Variants in PALS2 observed in about 807,000 individuals in gnomAD.
The protein encoded by PALS2 is protein PALS2.
Under a neutral mutation model 61.6 loss-of-function variants are expected in PALS2, and 27 were observed. The observed-to-expected ratio is 0.44, with a 90% CI of 0.32 to 0.60. PALS2 has a LOEUF of 0.60. Ranked by LOEUF, PALS2 falls within the 20% of genes least tolerant of loss-of-function variation. The pLI, the probability that PALS2 is intolerant of heterozygous loss-of-function variation, is 0.05. For synonymous variants in PALS2, 236 were observed against 218.6 expected (o/e 1.08, Z -0.70); for missense variants, 554 against 639.4 (o/e 0.87, Z 1.44).
intron 5 of PALS2, chr7:24,663,335 G>T: frequency 3.6e-6 from 1 of 276,556 alleles, no homozygotes; most frequent in Non-Finnish European, 6.6e-6. Context: ...AAGAATGGTG[G>T]GATAGAATGA....
At position 24,668,494 on chromosome 7, in the gene PALS2, T is replaced by C. The variant is rs1787143485; in HGVS notation, c.953-5T>C. ...CTTTGTATTCCCATTTCCTTTTTCA[T>C]TTAGAATTTGATCGTCATGAAATCC... On this transcript the variant is annotated splice_polypyrimidine_tract_variant and splice_region_variant and intron_variant, in intron 8 of 11. Transcript: ENST00000222644. 1 of 1,608,470 alleles carries C rather than the reference T, an allele frequency of 6.2e-7. No homozygotes were observed. Among genetic ancestry groups the C allele is most frequent in the African/African-American group, 1.3e-5 (1 of 74,544 alleles).
chr7:24,628,284 G>T (rs1032017488), intron 2 of PALS2, among the ~76,000 whole-genome samples: 1 of 152,146 alleles, frequency 6.6e-6, no homozygotes, highest in Non-Finnish European at 1.5e-5. Context: ...TATCTTAATA[G>T]ATGCAGAAAA....
chr7:24,655,139 T>A (rs1483254108), intron 5 of PALS2, among the ~76,000 whole-genome samples: 1 of 152,202 alleles, frequency 6.6e-6, no homozygotes, highest in Non-Finnish European at 1.5e-5. Flanking sequence ...GGTGGCAGTG[T>A]GTATTGGTAT....
chr7:24,660,742 A>T (rs1786675035), intron 5 of PALS2, among the ~76,000 whole-genome samples: 1 of 152,220 alleles, frequency 6.6e-6, no homozygotes, highest in African/African-American at 2.4e-5. Flanking sequence ...ATTCCCAGAC[A>T]TGGATTACTA....
chr7:24,598,267 A>T (rs534360428), intron 1 of PALS2, among the ~76,000 whole-genome samples: 88 of 152,368 alleles, frequency 5.8e-4, no homozygotes, highest in Admixed American at 1.8e-3. Flanking sequence ...AGGTATTTTC[A>T]TGTAACTTAA....
At chr7:24,632,938 A>G (rs1460899523) in intron 2 of PALS2, among the ~76,000 whole-genome samples, 1 of 152,124 alleles carries the variant, frequency 6.6e-6, no homozygotes, top group Non-Finnish European at 1.5e-5. Flanking sequence ...TTGATTTTGC[A>G]GTATACGTTT....
chr7:24,578,711 C>G (rs1391594128), intron 1 of PALS2, among the ~76,000 whole-genome samples: 1 of 152,204 alleles, frequency 6.6e-6, no homozygotes, highest in Non-Finnish European at 1.5e-5. Context: ...GTTCAATAAA[C>G]TATATCTCAT....
chr7:24,662,967 G>A (rs1786816476), intron 5 of PALS2, among the ~76,000 whole-genome samples: 1 of 152,120 alleles, frequency 6.6e-6, no homozygotes, highest in South Asian at 2.1e-4. Context: ...TAAAAGAAAT[G>A]TGTATACACA....
At chr7:24,666,353 G>A (rs1787015591) in intron 8 of PALS2, among the ~76,000 whole-genome samples, 1 of 152,114 alleles carries the variant, frequency 6.6e-6, no homozygotes, top group Non-Finnish European at 1.5e-5. Flanking sequence ...TAATCAAGAA[G>A]CAGTATCATA....
rs1168971957 is a variant in PALS2, at chr7:24,649,661, C to T, written c.320C>T (p.Pro107Leu). 3 of 1,611,754 alleles carry T rather than the reference C, an allele frequency of 1.9e-6. No individual in the cohort carries two copies. Among genetic ancestry groups the T allele is most frequent in the African/African-American group, 2.7e-5 (2 of 74,726 alleles). ...DIVASKCYDS[P>L]PSSPEMNNSS... ...GTGGCATCAAAGTGTTATGATTCAC[C>T]TCCATCAAGCCCAGAAATGAATAAT... Residue 107 changes from proline (P) to leucine (L), a missense_variant, in exon 4 of 12, where the codon CCT becomes CTT. Transcript: ENST00000222644.
chr7:24,643,548 T>C (rs1785673753), intron 3 of PALS2, among the ~76,000 whole-genome samples: 1 of 152,190 alleles, frequency 6.6e-6, no homozygotes, highest in Non-Finnish European at 1.5e-5. Flanking sequence ...CCATCTCATA[T>C]AATACACACA....
At chr7:24,593,178 CT>C (rs1562602927) in intron 1 of PALS2, among the ~76,000 whole-genome samples, 1 of 152,100 alleles carries the variant, frequency 6.6e-6, no homozygotes, top group Non-Finnish European at 1.5e-5. Flanking sequence ...CAAGAAACCA[CT>C]TTTTTTGCCC....
intron 2 of PALS2, among the ~76,000 whole-genome samples, chr7:24,640,729 CCG>C (rs1319099255): frequency 0.024 from 3,659 of 152,158 alleles, 171 homozygotes; most frequent in African/African-American, 0.084. Flanking sequence ...TTACTTTCGG[CCG>C]AGGGCGGTGG....
intron 5 of PALS2, among the ~76,000 whole-genome samples, chr7:24,661,855 G>A (rs1786737553): frequency 2.0e-5 from 3 of 152,116 alleles, no homozygotes; most frequent in South Asian, 2.1e-4. Flanking sequence ...TCATCAATAT[G>A]GAGAGGCATC....
At chr7:24,669,629 A>G (rs543900062) in intron 9 of PALS2, among the ~76,000 whole-genome samples, 1 of 152,146 alleles carries the variant, frequency 6.6e-6, no homozygotes, top group East Asian at 1.9e-4. Context: ...CTTTAACCCT[A>G]TCTCTTTTAA....
In PALS2 at chr7:24,618,948, C is replaced by T. The variant is rs1784392291; in HGVS notation, c.-2-4718C>T. Among the ~76,000 whole-genome samples, 1 of 152,368 alleles carries T rather than the reference C, an allele frequency of 6.6e-6. No individual in the cohort carries two copies. The highest frequency in any genetic ancestry group is 6.5e-5 in the Admixed American group (1 of 15,304). ...ACCGTCAGCCATCTTACTGACATCA[C>T]TCTTCGTGTCTTGTCTTTTTTTGAT... On this transcript the variant is annotated intron_variant, in intron 1 of 11. Coordinates refer to ENST00000222644, the MANE Select transcript of PALS2 (RefSeq NM_001303037.2). The surrounding 1 kb of genome is among the most constrained non-coding windows in gnomAD (Gnocchi z 5.1).
At chr7:24,620,437 C>T (rs1434390453) in intron 1 of PALS2, among the ~76,000 whole-genome samples, 1 of 152,006 alleles carries the variant, frequency 6.6e-6, no homozygotes, top group African/African-American at 2.4e-5. Context: ...GATTTCTTTG[C>T]CAGGACAAGG....
rs563696503 is a variant in PALS2, at chr7:24,649,589, C to T, written c.271-23C>T. The T allele has an allele frequency of 1.3e-4, 193 of 1,520,856 alleles. 1 individual carries two copies. The highest frequency in any genetic ancestry group is 1.0e-3 in the South Asian group (74 of 72,814). The allele number at this position is 1,520,856 out of a possible 1,614,324, so 94.2% of individuals were successfully genotyped here. On this transcript the variant is annotated intron_variant, in intron 3 of 11. Transcript: ENST00000222644. ...TTCATCCACATATCATAAATAACCA[C>T]AGGCTATTTTGACTCCTTATAGTCA...
intron 5 of PALS2, among the ~76,000 whole-genome samples, chr7:24,652,095 T>G (rs1481923800): frequency 6.6e-6 from 1 of 152,202 alleles, no homozygotes; most frequent in African/African-American, 2.4e-5. Context: ...TATTCCTCAG[T>G]TGGCAACTTT....
Sources: allele counts gnomAD v4.1 joint callset (sites outside exome capture counted in the v4.1 genomes callset), GRCh38; gene constraint gnomAD v4.1.1; non-coding constraint Gnocchi (gnomAD v3.1); transcripts MANE v1.5; gene names NCBI Gene and HGNC (gene_info 2026-07-23, HGNC 2026-07-21).